ATF7IP: variants seen among roughly 807,000 people sequenced by gnomAD.
ATF7IP encodes the protein activating transcription factor 7-interacting protein 1.
ATF7IP carries 23 observed loss-of-function variants against 106.4 expected under a neutral mutation model. The ratio of observed to expected loss-of-function variants is 0.22; its 90% confidence interval spans 0.16 to 0.31. The LOEUF is 0.31. Among genes scored for constraint, ATF7IP ranks in the 10% least tolerant of loss-of-function variants. The pLI is 1.00. For missense variants in ATF7IP, 1,334 were observed against 1,524.3 expected (o/e 0.88, Z 2.08); for synonymous variants, 542 against 539.0 (o/e 1.01, Z -0.08).
intron 10 of ATF7IP, among the ~76,000 whole-genome samples, chr12:14,474,401 GA>G (rs1245338194): frequency 7.0e-6 from 1 of 141,858 alleles, no homozygotes; most frequent in East Asian, 2.0e-4. Context: ...TTAATTCTTT[GA>G]ATTTTTTTTT....
At chr12:14,375,561 A>T (rs1472537874) in intron 1 of ATF7IP, among the ~76,000 whole-genome samples, 1 of 152,184 alleles carries the variant, frequency 6.6e-6, no homozygotes, top group African/African-American at 2.4e-5. Context: ...GAAGAAAGAA[A>T]AGAAGAACAA....
intron 2 of ATF7IP, among the ~76,000 whole-genome samples, chr12:14,429,696 G>C (rs578154348): frequency 1.5e-4 from 23 of 152,232 alleles, no homozygotes; most frequent in African/African-American, 5.3e-4. Context: ...TCAATTTACT[G>C]TTAATTTGTT....
At chr12:14,434,545 A>G (rs752401259) in intron 3 of ATF7IP, 122 bp downstream of exon 3, 7 of 641,428 alleles carry the variant, frequency 1.1e-5, no homozygotes, top group Non-Finnish European at 1.9e-5. Context: ...CAATTTCACA[A>G]CTATACCATT....
chr12:14,489,013 C>T (rs916032782), intron 13 of ATF7IP, among the ~76,000 whole-genome samples: 5 of 152,184 alleles, frequency 3.3e-5, no homozygotes, highest in African/African-American at 9.7e-5. Flanking sequence ...TGATGACTAC[C>T]TTTTTCTACT....
chr12:14,371,747 A>G (rs1005731299), intron 1 of ATF7IP, among the ~76,000 whole-genome samples: 7 of 152,126 alleles, frequency 4.6e-5, no homozygotes, highest in Non-Finnish European at 8.8e-5. Flanking sequence ...TGAATCAGAG[A>G]ATATTGTTAT....
Position 14,478,398 on chromosome 12 carries a change from C to A in ATF7IP, c.3023C>A (p.Pro1008Gln). The A allele has an allele frequency of 6.2e-7, 1 of 1,614,084 alleles. No individual in the cohort carries two copies. The highest frequency in any genetic ancestry group is 8.5e-7 in the Non-Finnish European group (1 of 1,179,960). The change falls in exon 12 of 15, where the codon CCA becomes CAA. Residue 1008 changes from proline to glutamine, a missense_variant. Physicochemically the swap from Pro to Gln is moderately conservative, Grantham distance 76 (BLOSUM62 -1). Coordinates refer to ENST00000261168, the MANE Select transcript of ATF7IP (RefSeq NM_018179.5). ...TCACGACCATTGCAACCCATACAAC[C>A]AGCACCGCCTCTTCAACCATCTGGG... ...PVSRPLQPIQ[P>Q]APPLQPSGVP...
chr12:14,451,518 C>T (rs553414232), intron 6 of ATF7IP, among the ~76,000 whole-genome samples: 138 of 151,560 alleles, frequency 9.1e-4, no homozygotes, highest in African/African-American at 3.2e-3. Context: ...TATAAACTTC[C>T]TTCTTACCAC....
chr12:14,368,644 A>G (rs892100928), intron 1 of ATF7IP, among the ~76,000 whole-genome samples: 10 of 152,216 alleles, frequency 6.6e-5, no homozygotes, highest in African/African-American at 2.4e-4. Flanking sequence ...TATCATATTC[A>G]ATACCACCAT....
chr12:14,441,060 G>C (rs1192749633), intron 5 of ATF7IP, among the ~76,000 whole-genome samples: 2 of 152,134 alleles, frequency 1.3e-5, no homozygotes, highest in African/African-American at 4.8e-5. Context: ...GTGTTTGTTT[G>C]AATACTTGTT....
In ATF7IP at chr12:14,487,199, G is replaced by A. The variant is rs1391596855; in HGVS notation, c.3280+6014G>A. On this transcript the variant is annotated intron_variant, in intron 13 of 14. Coordinates refer to ENST00000261168, the MANE Select transcript of ATF7IP (RefSeq NM_018179.5). ...TAGTGGGCCCAAATCAAGAAATTCAGCCTGATCCAACTTTGTTCCTTCCAT... is the reference window on the plus strand; with the variant it reads ...TAGTGGGCCCAAATCAAGAAATTCAACCTGATCCAACTTTGTTCCTTCCAT... 3.3e-5 allele frequency among the ~76,000 whole-genome samples: 5 copies of A among 151,174 alleles called. No individual in the cohort carries two copies. The East Asian group carries it at 7.7e-4, about 23-fold the overall frequency.
intron 1 of ATF7IP, among the ~76,000 whole-genome samples, chr12:14,380,325 T>G (rs993001126): frequency 3.9e-5 from 6 of 152,224 alleles, no homozygotes; most frequent in Non-Finnish European, 8.8e-5. Context: ...ATTGCCTTCC[T>G]TAGGTAACTG....
At chr12:14,402,482 C>G (rs1940296981) in intron 1 of ATF7IP, among the ~76,000 whole-genome samples, 1 of 151,776 alleles carries the variant, frequency 6.6e-6, no homozygotes, top group Non-Finnish European at 1.5e-5. Context: ...CCTGACAATA[C>G]TTCTAATAAA....
chr12:14,368,376 C>T (rs1938392585), intron 1 of ATF7IP, among the ~76,000 whole-genome samples: 1 of 151,890 alleles, frequency 6.6e-6, no homozygotes. Context: ...TATAATATCC[C>T]ACATGATCAA....
At chr12:14,422,073 A>C (rs1346958016) in intron 1 of ATF7IP, among the ~76,000 whole-genome samples, 1 of 152,210 alleles carries the variant, frequency 6.6e-6, no homozygotes, top group East Asian at 1.9e-4. Flanking sequence ...CTTTATATGC[A>C]CACATTACAA....
At chr12:14,373,986 C>T (rs997172610) in intron 1 of ATF7IP, among the ~76,000 whole-genome samples, 1 of 151,506 alleles carries the variant, frequency 6.6e-6, no homozygotes, top group Admixed American at 6.6e-5. Flanking sequence ...GTAGATGAAT[C>T]GAGTGACAAT....
Position 14,430,006 on chromosome 12 carries a change from C to G in ATF7IP, c.1559-4331C>G, listed in dbSNP as rs1036279725. Among the ~76,000 whole-genome samples the G allele has an allele frequency of 6.6e-5, 10 of 152,118 alleles. 1 individual carries two copies. The highest frequency in any genetic ancestry group is 1.3e-4 in the Admixed American group (2 of 15,268). ...GAAAAATATAGTAGGTAGCATGTAGCTATTAGGTGACAAGATGAAATCACC... is the reference window on the plus strand; with the variant it reads ...GAAAAATATAGTAGGTAGCATGTAGGTATTAGGTGACAAGATGAAATCACC... On this transcript the variant is annotated intron_variant, in intron 2 of 14. Coordinates refer to ENST00000261168, the MANE Select transcript of ATF7IP (RefSeq NM_018179.5).
chr12:14,494,325 A>ATG (rs1356033054), intron 13 of ATF7IP, among the ~76,000 whole-genome samples: 1,621 of 83,382 alleles, frequency 0.019, 92 homozygotes, highest in Admixed American at 0.051. Flanking sequence ...ATATATATAT[A>ATG]TATATATATG....
In ATF7IP at chr12:14,500,516, A is replaced by G. The variant is rs573198597; in HGVS notation, c.*2443A>G. On this transcript the variant is annotated 3_prime_UTR_variant, in exon 15 of 15. Coordinates refer to ENST00000261168, the MANE Select transcript of ATF7IP (RefSeq NM_018179.5). ...GAGGAGTTGATGATCTTCTAGATGT[A>G]TATGAACACCTGTCTATATCTGCAT... The G allele has an allele frequency of 6.6e-6, 1 of 152,332 alleles. No individual in the cohort carries two copies. Among genetic ancestry groups the G allele is most frequent in the East Asian group, 1.9e-4 (1 of 5,186 alleles). The allele number at this position is 152,332 out of a possible 1,614,324, so 9.4% of individuals were successfully genotyped here. A position where few individuals can be genotyped will look rare whatever the true frequency, so the allele number is the denominator to read the frequency against.
intron 1 of ATF7IP, among the ~76,000 whole-genome samples, chr12:14,402,170 C>T (rs761018016): frequency 6.4e-5 from 9 of 141,354 alleles, no homozygotes; most frequent in South Asian, 2.2e-4. Flanking sequence ...TTCTGTAGCC[C>T]GGACTGGAGT....
Sources: gnomAD v4.1 joint callset for allele counts (sites outside exome capture counted in the v4.1 genomes callset) on GRCh38, gnomAD v4.1.1 for gene constraint, MANE v1.5 for transcripts, NCBI Gene and HGNC (gene_info 2026-07-23, HGNC 2026-07-21) for gene names.